Variants in DPYD observed in about 807,000 individuals in gnomAD.
DPYD encodes the protein dihydropyrimidine dehydrogenase [NADP(+)].
In DPYD, 109 loss-of-function variants were observed where a neutral mutation model predicts 116.2. The observed-to-expected ratio is 0.94, with a 90% CI of 0.80 to 1.10. The LOEUF (loss-of-function observed/expected upper bound fraction) is 1.10, where lower values mean the gene tolerates loss of function less well. DPYD is among the 50% of genes least tolerant of loss of function. The pLI is 0.00. For synonymous variants in DPYD, 440 were observed against 432.0 expected (o/e 1.02, Z -0.23); for missense variants, 1,302 against 1,254.5 (o/e 1.04, Z -0.57).
intron 20 of DPYD, among the ~76,000 whole-genome samples, chr1:97,181,161 C>T (rs1262600569): frequency 1.3e-5 from 2 of 152,108 alleles, no homozygotes; most frequent in Non-Finnish European, 2.9e-5. Context: ...TCACGAGCTT[C>T]CTCTATACAG....
rs186979360 is a variant in DPYD at position 97,767,005 on chromosome 1, G to T, written c.234-26526C>A. Among the ~76,000 whole-genome samples the T allele has an allele frequency of 1.7e-4, 26 of 152,268 alleles. No individual in the cohort carries two copies. The East Asian group carries it at 2.9e-3, about 17-fold the overall frequency. On this transcript the variant is annotated intron_variant, in intron 3 of 22. Coordinates refer to ENST00000370192, the MANE Select transcript of DPYD (RefSeq NM_000110.4). Reference sequence around the variant, plus strand: ...AGGGAAGTTACTCCCAAGGAGCAAAGGCAGGATTTAAGAAACATTTCCTAT... The same window carrying T: ...AGGGAAGTTACTCCCAAGGAGCAAATGCAGGATTTAAGAAACATTTCCTAT...
At chr1:97,584,446 T>TG (rs1157528725) in intron 10 of DPYD, among the ~76,000 whole-genome samples, 2 of 152,146 alleles carry the variant, frequency 1.3e-5, no homozygotes, top group African/African-American at 4.8e-5. Context: ...TGGCTTTTGT[T>TG]GCCATTGTTT....
At chr1:97,282,075 A>T (rs556857819) in intron 18 of DPYD, among the ~76,000 whole-genome samples, 2 of 152,164 alleles carry the variant, frequency 1.3e-5, no homozygotes, top group South Asian at 4.1e-4. Context: ...TTATTGACTT[A>T]CCACTTGATA....
chr1:97,416,019 C>A (rs565964060), intron 14 of DPYD, among the ~76,000 whole-genome samples: 102 of 152,088 alleles, frequency 6.7e-4, no homozygotes, highest in African/African-American at 2.3e-3. Flanking sequence ...TCAATAATAC[C>A]TGTCTTACAA....
intron 11 of DPYD, among the ~76,000 whole-genome samples, chr1:97,559,690 T>C (rs763159186): frequency 9.2e-5 from 14 of 152,104 alleles, no homozygotes; most frequent in Non-Finnish European, 2.1e-4. Context: ...CAATGCAAAC[T>C]TAAAACACAC....
intron 20 of DPYD, among the ~76,000 whole-genome samples, chr1:97,161,690 T>C (rs1190573299): frequency 1.4e-5 from 2 of 148,098 alleles, no homozygotes; most frequent in Middle Eastern, 3.2e-3. Flanking sequence ...CATTTAGCAT[T>C]AGGTATATCT....
chr1:97,187,804 C>T (rs2101812523), intron 20 of DPYD, among the ~76,000 whole-genome samples: 1 of 152,162 alleles, frequency 6.6e-6, no homozygotes, highest in South Asian at 2.1e-4. Flanking sequence ...TCCAATCATC[C>T]CAGCACTATT....
chr1:97,139,100 T>G (rs1026420102), intron 20 of DPYD, among the ~76,000 whole-genome samples: 9 of 152,204 alleles, frequency 5.9e-5, no homozygotes, highest in Admixed American at 2.0e-4. Flanking sequence ...GTTTTTGGAT[T>G]AGTAAATCTT....
At position 97,450,183 on chromosome 1, in the gene DPYD, G is replaced by C; in HGVS notation, c.1781C>G (p.Thr594Ser). The C allele has an allele frequency of 6.2e-7, 1 of 1,613,860 alleles. No individual in the cohort carries two copies. Among genetic ancestry groups the C allele is most frequent in the Non-Finnish European group, 8.5e-7 (1 of 1,179,840 alleles). ...AGGGCCATACATGGGGCCAGAGGTG[G>C]TTCCCCGGATGATTCTGGGGGAAAC... ...TNVSPRIIRG[T>S]TSGPMYGPGQ... The change falls in exon 14 of 23, where the codon ACC becomes AGC. Residue 594 changes from threonine (T) to serine (S), a missense_variant. Coordinates refer to ENST00000370192, the MANE Select transcript of DPYD (RefSeq NM_000110.4).
At chr1:97,232,650 T>C (rs1661657295) in intron 19 of DPYD, among the ~76,000 whole-genome samples, 1 of 152,274 alleles carries the variant, frequency 6.6e-6, no homozygotes, top group African/African-American at 2.4e-5. Flanking sequence ...TATTGCTCTA[T>C]CTTCTAGTTC....
intron 16 of DPYD, among the ~76,000 whole-genome samples, chr1:97,316,209 G>C (rs1402317516): frequency 1.3e-5 from 2 of 151,878 alleles, no homozygotes; most frequent in African/African-American, 4.8e-5. Context: ...TCACTGAGAG[G>C]CTGGGCACAT....
chr1:97,597,374 A>G (rs1654954855), intron 8 of DPYD, among the ~76,000 whole-genome samples: 1 of 152,146 alleles, frequency 6.6e-6, no homozygotes, highest in Non-Finnish European at 1.5e-5. Context: ...TATGCTAATC[A>G]TAGTGCTGTG....
intron 3 of DPYD, among the ~76,000 whole-genome samples, chr1:97,808,547 T>G (rs543271490): frequency 6.6e-6 from 1 of 152,088 alleles, no homozygotes; most frequent in East Asian, 1.9e-4. Context: ...ATTTCCTACA[T>G]GGACAATCAT....
intron 11 of DPYD, among the ~76,000 whole-genome samples, chr1:97,556,650 C>T (rs942549104): frequency 1.3e-5 from 2 of 150,518 alleles, no homozygotes; most frequent in East Asian, 3.9e-4. Context: ...ATGATGATTT[C>T]CAATTTCATC....
intron 20 of DPYD, among the ~76,000 whole-genome samples, chr1:97,113,361 G>A (rs1246818804): frequency 1.3e-5 from 2 of 151,996 alleles, no homozygotes; most frequent in African/African-American, 4.8e-5. Flanking sequence ...AGAAAGGAAA[G>A]GTAAGAAAAG....
intron 20 of DPYD, among the ~76,000 whole-genome samples, chr1:97,101,995 A>G (rs1650724440): frequency 1.3e-5 from 2 of 152,052 alleles, no homozygotes; most frequent in South Asian, 2.1e-4. Flanking sequence ...TAAAAAAAGC[A>G]TTACATTGCC....
At chr1:97,732,228 G>A (rs1005759206) in intron 4 of DPYD, among the ~76,000 whole-genome samples, 1 of 152,058 alleles carries the variant, frequency 6.6e-6, no homozygotes, top group Non-Finnish European at 1.5e-5. Context: ...TGTAATCCCA[G>A]CACTTTGGGA....
intron 12 of DPYD, among the ~76,000 whole-genome samples, chr1:97,545,347 T>A (rs1249307173): frequency 1.3e-5 from 2 of 152,158 alleles, no homozygotes; most frequent in Non-Finnish European, 2.9e-5. Flanking sequence ...ATTGTTATTC[T>A]GTAAAAGAAG....
intron 3 of DPYD, among the ~76,000 whole-genome samples, chr1:97,805,031 A>G (rs982650298): frequency 3.3e-5 from 5 of 152,084 alleles, no homozygotes; most frequent in Non-Finnish European, 7.4e-5. Context: ...AATGAAATAT[A>G]AATTGAAAAG....
Sources: allele counts gnomAD v4.1 joint callset (sites outside exome capture counted in the v4.1 genomes callset), GRCh38; gene constraint gnomAD v4.1.1; transcripts MANE v1.5; gene names NCBI Gene and HGNC (gene_info 2026-07-23, HGNC 2026-07-21).